The following PPP1R9A variants were observed in gnomAD, a reference collection of about 807,000 sequenced individuals.
PPP1R9A encodes the protein protein phosphatase 1 regulatory subunit 9A, also known as neurabin-1.
A neutral mutation model predicts 141.9 loss-of-function variants in PPP1R9A; 59 were observed. That is an observed-to-expected ratio of 0.42 (90% confidence interval 0.34 to 0.52). The LOEUF (loss-of-function observed/expected upper bound fraction) is 0.52. PPP1R9A is among the 20% of genes least tolerant of loss of function. The pLI, the probability that PPP1R9A is intolerant of heterozygous loss-of-function variation, is 0.10. For synonymous variants in PPP1R9A, 500 were observed against 569.7 expected (o/e 0.88, Z 1.74); for missense variants, 1,444 against 1,611.9 (o/e 0.90, Z 1.78).
chr7:95,214,390 G>C (rs566436180), intron 7 of PPP1R9A: 2 of 152,346 alleles, frequency 1.3e-5, no homozygotes, highest in South Asian at 4.1e-4. Flanking sequence ...GTCCTCACTG[G>C]CTGTTGGCCA....
intron 16 of PPP1R9A, among the ~76,000 whole-genome samples, chr7:95,278,295 T>A (rs1236025225): frequency 1.3e-5 from 2 of 152,156 alleles, no homozygotes; most frequent in Non-Finnish European, 2.9e-5. Context: ...AGGAGAATAA[T>A]GAATGCTGGA....
rs1804842974 is a variant in PPP1R9A, at chr7:95,284,213, C to T, written c.3492C>T (p.Ser1164=). The T allele has an allele frequency of 6.4e-7, 1 of 1,572,168 alleles. No homozygotes were observed. The highest frequency in any genetic ancestry group is 8.7e-7 in the Non-Finnish European group (1 of 1,155,106). The change falls in exon 17 of 20, where the codon TCC becomes TCT. Residue 1164 remains serine, a synonymous_variant. Coordinates refer to ENST00000433360, the MANE Select transcript of PPP1R9A (RefSeq NM_001166160.2). ...CTCTAATTTCAGATAAAAAGGGGTC[C>T]AAGGTAGAAAACACATGGATTACAA... ...PETLISDKKG[S]KVENTWITKA...
chr7:95,087,599 A>G (rs1816795365), intron 2 of PPP1R9A, among the ~76,000 whole-genome samples: 1 of 152,058 alleles, frequency 6.6e-6, no homozygotes, highest in Middle Eastern at 3.4e-3. Flanking sequence ...TTTTGGATGG[A>G]TAAGAAGAAT....
chr7:95,054,709 A>G (rs780532553), intron 2 of PPP1R9A, among the ~76,000 whole-genome samples: 18 of 151,838 alleles, frequency 1.2e-4, no homozygotes, highest in Admixed American at 2.6e-4. Context: ...CTCTTTCTTG[A>G]CTGGTCTAGG....
intron 8 of PPP1R9A, among the ~76,000 whole-genome samples, chr7:95,246,734 A>G (rs181032330): frequency 9.1e-4 from 138 of 152,284 alleles, no homozygotes; most frequent in African/African-American, 3.2e-3. Context: ...TTGATCCCCT[A>G]AGGAAACGAA....
At chr7:95,252,246 G>T in intron 12 of PPP1R9A, 116 bp downstream of exon 12, 1 of 1,164,898 alleles carries the variant, frequency 8.6e-7, no homozygotes. Flanking sequence ...CTATGGGAAA[G>T]AAGAAAAGGC....
At chr7:95,224,425 G>T in intron 7 of PPP1R9A, among the ~76,000 whole-genome samples, 1 of 152,162 alleles carries the variant, frequency 6.6e-6, no homozygotes, top group Non-Finnish European at 1.5e-5. Context: ...GAGGTAGAGT[G>T]TGAAGGATGC....
chr7:94,978,212 C>G (rs1799694509), intron 2 of PPP1R9A, among the ~76,000 whole-genome samples: 1 of 152,162 alleles, frequency 6.6e-6, no homozygotes, highest in South Asian at 2.1e-4. Context: ...AAAGTGATTT[C>G]TTATAAGATA....
chr7:95,171,275 A>G (rs1832069191), intron 5 of PPP1R9A, among the ~76,000 whole-genome samples: 1 of 151,672 alleles, frequency 6.6e-6, no homozygotes. Flanking sequence ...GACCAATTTA[A>G]AGGCAGAGAT....
intron 5 of PPP1R9A, among the ~76,000 whole-genome samples, chr7:95,167,091 C>T (rs753318244): frequency 2.0e-5 from 3 of 152,140 alleles, no homozygotes; most frequent in Non-Finnish European, 4.4e-5. Flanking sequence ...ATTTAGTCAA[C>T]TTACAGTTCC....
chr7:95,027,588 C>T (rs1343050044), intron 2 of PPP1R9A, among the ~76,000 whole-genome samples: 3 of 152,124 alleles, frequency 2.0e-5, no homozygotes, highest in Non-Finnish European at 2.9e-5. Flanking sequence ...TGTCACTTAG[C>T]GACGGGGATA....
intron 5 of PPP1R9A, among the ~76,000 whole-genome samples, chr7:95,187,201 A>G (rs1200480978): frequency 6.6e-6 from 1 of 152,074 alleles, no homozygotes; most frequent in Non-Finnish European, 1.5e-5. Flanking sequence ...ATTACTCATT[A>G]TTGATCTGAT....
At chr7:95,080,387 G>A (rs201324740) in intron 2 of PPP1R9A, among the ~76,000 whole-genome samples, 2,690 of 152,160 alleles carry the variant, frequency 0.018, 83 homozygotes, top group African/African-American at 0.061. Flanking sequence ...TACAAGGGAC[G>A]TGAAGGACCT....
At chr7:95,021,317 G>GTT (rs201953448) in intron 2 of PPP1R9A, among the ~76,000 whole-genome samples, 57 of 144,892 alleles carry the variant, frequency 3.9e-4, no homozygotes, top group Admixed American at 6.1e-4. Flanking sequence ...GATGGGGTTG[G>GTT]TTTTTTTTTT....
chr7:95,268,526 C>G (rs752147711), intron 12 of PPP1R9A, 24 bp from the exon 13 acceptor site: 15 of 1,611,382 alleles, frequency 9.3e-6, no homozygotes, highest in Non-Finnish European at 1.2e-5. Context: ...GTTTCTCTCA[C>G]TGATTATCTT....
At chr7:95,223,314 A>G (rs1270586668) in intron 7 of PPP1R9A, among the ~76,000 whole-genome samples, 1 of 152,030 alleles carries the variant, frequency 6.6e-6, no homozygotes, top group Non-Finnish European at 1.5e-5. Context: ...TAATTTTCAT[A>G]ATGAAAGTGT....
At chr7:95,028,400 T>C (rs1395092751) in intron 2 of PPP1R9A, among the ~76,000 whole-genome samples, 1 of 152,192 alleles carries the variant, frequency 6.6e-6, no homozygotes, top group Admixed American at 6.6e-5. Context: ...AATGAATTCA[T>C]ATTGCTTACT....
chr7:95,207,265 A>G (rs897590500), intron 7 of PPP1R9A, among the ~76,000 whole-genome samples: 2 of 152,082 alleles, frequency 1.3e-5, no homozygotes, highest in Non-Finnish European at 2.9e-5. Flanking sequence ...ATAAGGTCAA[A>G]ATCATTTTAT....
rs938019405 is a variant in PPP1R9A, at chr7:95,286,103, C to T, written c.3610-103C>T. The T allele has an allele frequency of 1.5e-5, 23 of 1,494,050 alleles. No individual in the cohort carries two copies. In the African/African-American group the frequency reaches 3.1e-4, roughly 20 times the overall value. The allele number at this position is 1,494,050 out of a possible 1,614,324, so 92.5% of individuals were successfully genotyped here. On this transcript the variant is annotated intron_variant, in intron 17 of 19. Transcript: ENST00000433360. Reference sequence around the variant, plus strand: ...TCATCACCAAATCATACATGAATTTCTGCTAAGATTGTTTAAAAGAGCCCT... The same window carrying T: ...TCATCACCAAATCATACATGAATTTTTGCTAAGATTGTTTAAAAGAGCCCT...
Sources: gnomAD v4.1 joint callset for allele counts (sites outside exome capture counted in the v4.1 genomes callset) on GRCh38, gnomAD v4.1.1 for gene constraint, MANE v1.5 for transcripts, NCBI Gene and HGNC (gene_info 2026-07-23, HGNC 2026-07-21) for gene names.